Variants in SLC5A10 observed in about 807,000 individuals in gnomAD.
The protein encoded by SLC5A10 is solute carrier family 5 member 10.
In SLC5A10, 55 loss-of-function variants were observed where a neutral mutation model predicts 68.9. That is an observed-to-expected ratio of 0.80 (90% CI 0.64 to 1.00). SLC5A10 has a LOEUF of 1.00. SLC5A10 is among the 50% of genes least tolerant of loss of function. SLC5A10 has a pLI of 0.00. For missense variants in SLC5A10, 732 were observed against 819.3 expected (o/e 0.89, Z 1.30); for synonymous variants, 344 against 344.8 (o/e 1.00, Z 0.02).
chr17:18,990,736 G>T (rs577112543), intron 9 of SLC5A10, among the ~76,000 whole-genome samples: 1 of 152,362 alleles, frequency 6.6e-6, no homozygotes, highest in East Asian at 1.9e-4. Context: ...AGTGCCTAGG[G>T]TGGTCAGAGA....
chr17:19,003,785 G>C lies in SLC5A10; in HGVS notation c.983-9625G>C, dbSNP rs191819394. 1 of 1,611,588 alleles carries C rather than the reference G, an allele frequency of 6.2e-7. No homozygotes were observed. Among genetic ancestry groups the C allele is most frequent in the Non-Finnish European group, 8.5e-7 (1 of 1,179,316 alleles). On this transcript the variant is annotated intron_variant, in intron 9 of 14. Coordinates refer to ENST00000395645, the MANE Select transcript of SLC5A10 (RefSeq NM_001042450.4). This position sits in a 1 kb window ranked among gnomAD's most constrained non-coding sequence, Gnocchi z 4.5. ...CCCATTGTCCTCGGGCCCCTGAGAG[G>C]GGCCCGTGCCCCGAGGGTCCTCAGA...
chr17:18,973,163 CT>C (rs1177062002), intron 8 of SLC5A10, among the ~76,000 whole-genome samples: 1 of 152,264 alleles, frequency 6.6e-6, no homozygotes, highest in African/African-American at 2.4e-5. Flanking sequence ...AAGTGGTACC[CT>C]GCCAGGCTGA....
chr17:18,996,566 T>C lies in SLC5A10; in HGVS notation c.983-16844T>C, dbSNP rs2043576931. Reference sequence around the variant, plus strand: ...ACTAGTTTAGCTAACAGTCTCATCTTGCCTCCCAGGGTAAAGGGAGTCTGT... The same window carrying C: ...ACTAGTTTAGCTAACAGTCTCATCTCGCCTCCCAGGGTAAAGGGAGTCTGT... On this transcript the variant is annotated intron_variant, in intron 9 of 14. Transcript: ENST00000395645. This position sits in a 1 kb window ranked among gnomAD's most constrained non-coding sequence, Gnocchi z 4.4. 6.6e-6 allele frequency among the ~76,000 whole-genome samples: 1 copy of C among 152,098 alleles called. No individual in the cohort carries two copies. The highest frequency in any genetic ancestry group is 2.1e-4 in the South Asian group (1 of 4,828).
intron 9 of SLC5A10, among the ~76,000 whole-genome samples, chr17:18,982,163 G>GT (rs1435436248): frequency 3.9e-5 from 6 of 152,262 alleles, no homozygotes; most frequent in Admixed American, 6.5e-5. Flanking sequence ...CTGACTCGCT[G>GT]TGACTCGAAG....
At position 18,967,373 on chromosome 17, in the gene SLC5A10, G is replaced by A. The variant is rs907614864; in HGVS notation, c.454-1679G>A. Among the ~76,000 whole-genome samples the A allele has an allele frequency of 2.6e-5, 4 of 152,168 alleles. No individual in the cohort carries two copies. In the East Asian group the frequency reaches 7.7e-4, roughly 29 times the overall value. On this transcript the variant is annotated intron_variant, in intron 5 of 14. Coordinates refer to ENST00000395645, the MANE Select transcript of SLC5A10 (RefSeq NM_001042450.4). ...GCAGGAAGGAGGGAGGCAGGAGGGAGGGCGAATGAACAATGTACTCGAGGA... is the reference window on the plus strand; with the variant it reads ...GCAGGAAGGAGGGAGGCAGGAGGGAAGGCGAATGAACAATGTACTCGAGGA...
chr17:18,969,701 C>T (rs929135208), intron 7 of SLC5A10: 14 of 398,324 alleles, frequency 3.5e-5, no homozygotes, highest in Admixed American at 2.9e-4. Context: ...CAGCCACACC[C>T]GCATTGGCTC....
chr17:18,963,653 C>T (rs1359585554), intron 5 of SLC5A10, among the ~76,000 whole-genome samples: 2 of 152,240 alleles, frequency 1.3e-5, no homozygotes, highest in Non-Finnish European at 2.9e-5. Context: ...TCTGCGCATC[C>T]AGCACCCGTC....
chr17:18,982,854 G>A (rs968624999), intron 9 of SLC5A10, among the ~76,000 whole-genome samples: 12 of 152,256 alleles, frequency 7.9e-5, no homozygotes, highest in African/African-American at 2.7e-4. Context: ...CCAAATGGAC[G>A]CCAACCAAGG....
intron 9 of SLC5A10, among the ~76,000 whole-genome samples, chr17:18,995,272 G>A (rs1446371393): frequency 1.3e-5 from 2 of 152,208 alleles, no homozygotes; most frequent in Non-Finnish European, 2.9e-5. Context: ...AAAAAGTTAG[G>A]TAGAGATGTG....
chr17:19,009,156 G>T (rs1284787521), intron 9 of SLC5A10, among the ~76,000 whole-genome samples: 1 of 151,990 alleles, frequency 6.6e-6, no homozygotes, highest in African/African-American at 2.4e-5. Flanking sequence ...TACAGCAAGG[G>T]ATTGGGAGAG....
At chr17:19,005,182 G>A (rs1341766066) in intron 9 of SLC5A10, among the ~76,000 whole-genome samples, 2 of 152,206 alleles carry the variant, frequency 1.3e-5, no homozygotes, top group African/African-American at 4.8e-5. Flanking sequence ...GAGCCCCCAG[G>A]CAGGGATAGG....
chr17:18,979,932 T>C (rs1231687681), intron 9 of SLC5A10, among the ~76,000 whole-genome samples: 2 of 152,192 alleles, frequency 1.3e-5, no homozygotes, highest in Non-Finnish European at 2.9e-5. Context: ...GTCTGGGCTT[T>C]GGCCCTAAAG....
chr17:18,977,046 C>T lies in SLC5A10; in HGVS notation c.982+57C>T, dbSNP rs549340867. On this transcript the variant is annotated intron_variant, in intron 9 of 14. Transcript: ENST00000395645. Reference sequence around the variant, plus strand: ...TGCAGGGCACCCAGGGTTCTGGGACCTTGTCCTGCAAACGTCACCAGAAGA... The same window carrying T: ...TGCAGGGCACCCAGGGTTCTGGGACTTTGTCCTGCAAACGTCACCAGAAGA... The T allele has an allele frequency of 4.1e-5, 65 of 1,596,948 alleles. No homozygotes were observed. The East Asian group carries it at 1.3e-3, about 33-fold the overall frequency.
At chr17:18,952,721 G>T (rs570973560) in intron 1 of SLC5A10, among the ~76,000 whole-genome samples, 2 of 149,970 alleles carry the variant, frequency 1.3e-5, no homozygotes, top group African/African-American at 2.4e-5. Context: ...GAATCCGGAG[G>T]CAGGGAGGGC....
In SLC5A10 at chr17:19,017,563, A is replaced by C; in HGVS notation, c.1242-1860A>C. The C allele has an allele frequency of 1.6e-6, 1 of 644,704 alleles. No homozygotes were observed. The highest frequency in any genetic ancestry group is 1.9e-5 in the South Asian group (1 of 52,088). The allele number at this position is 644,704 out of a possible 1,614,324, so 39.9% of individuals were successfully genotyped here. On this transcript the variant is annotated intron_variant, in intron 11 of 14. Transcript: ENST00000395645. The surrounding 1 kb of genome is among the most constrained non-coding windows in gnomAD (Gnocchi z 5.6). ...CTGAGCAGAGGCTGGAGGAGCCGTCACAGGCTGGGGGAGAGCGATGACCCG... is the reference window on the plus strand; with the variant it reads ...CTGAGCAGAGGCTGGAGGAGCCGTCCCAGGCTGGGGGAGAGCGATGACCCG...
Position 19,003,927 on chromosome 17 carries a change from C to A in SLC5A10, c.983-9483C>A. On this transcript the variant is annotated intron_variant, in intron 9 of 14. Transcript: ENST00000395645. This position sits in a 1 kb window ranked among gnomAD's most constrained non-coding sequence, Gnocchi z 4.5. ...TAGAAGGCGTCCCGGCCGCGGGCCA[C>A]CAGGGCCTCCAGCGCCAGCCGCTGC... 6.2e-7 allele frequency: 1 copy of A among 1,612,936 alleles called. No homozygotes were observed. The highest frequency in any genetic ancestry group is 1.1e-5 in the South Asian group (1 of 91,072).
chr17:18,985,503 G>A (rs948615198), intron 9 of SLC5A10, among the ~76,000 whole-genome samples: 2 of 152,208 alleles, frequency 1.3e-5, no homozygotes, highest in African/African-American at 4.8e-5. Flanking sequence ...CAGTGGCTGA[G>A]GGCAGGCCCA....
At chr17:18,955,212 T>A (rs1763850590) in intron 1 of SLC5A10, among the ~76,000 whole-genome samples, 1 of 152,148 alleles carries the variant, frequency 6.6e-6, no homozygotes, top group African/African-American at 2.4e-5. Context: ...CACCTCACTT[T>A]GGTTCTCTCA....
In SLC5A10 at chr17:19,020,680, C is replaced by T. The variant is rs113267681; in HGVS notation, c.*249C>T. 6.6e-5 allele frequency: 36 copies of T among 544,018 alleles called. 1 individual carries two copies. The highest frequency in any genetic ancestry group is 6.0e-4 in the South Asian group (27 of 44,930). The allele number at this position is 544,018 out of a possible 1,614,324, so 33.7% of individuals were successfully genotyped here. The stretch of plus-strand genomic sequence containing the variant: ...ATTGGAAGGAAAATTAGATTTCTGA[C>T]GGACATCCTGATGTTGGTTTTACTG... On this transcript the variant is annotated 3_prime_UTR_variant, in exon 15 of 15. Transcript: ENST00000395645.
Sources: gnomAD v4.1 joint callset for allele counts (sites outside exome capture counted in the v4.1 genomes callset) on GRCh38, gnomAD v4.1.1 for gene constraint, Gnocchi (gnomAD v3.1) non-coding constraint, MANE v1.5 for transcripts, NCBI Gene and HGNC (gene_info 2026-07-23, HGNC 2026-07-21) for gene names.